BRINP1: variants seen among roughly 807,000 people sequenced by gnomAD.
BRINP1 encodes the protein BMP/retinoic acid inducible neural specific 1.
A neutral mutation model predicts 72.9 loss-of-function variants in BRINP1; 17 were observed. The observed-to-expected ratio is 0.23, with a 90% confidence interval of 0.16 to 0.35. The LOEUF is 0.35. Ranked by LOEUF, BRINP1 falls within the 10% of genes least tolerant of loss-of-function variation. BRINP1 has a pLI of 1.00. For synonymous variants in BRINP1, 418 were observed against 378.5 expected, an observed-to-expected ratio of 1.10 and a Z score of -1.21; for missense variants, 850 against 1,001.6, an observed-to-expected ratio of 0.85 and a Z score of 2.04.
chr9:119,361,790 T>A (rs973203548), intron 1 of BRINP1, among the ~76,000 whole-genome samples: 1 of 144,120 alleles, frequency 6.9e-6, no homozygotes, highest in Admixed American at 7.4e-5. Flanking sequence ...CCAGCTACAG[T>A]TTTTGCATTT....
At chr9:119,176,508 C>T (rs987280557) in intron 7 of BRINP1, among the ~76,000 whole-genome samples, 3 of 152,084 alleles carry the variant, frequency 2.0e-5, no homozygotes, top group Non-Finnish European at 4.4e-5. Flanking sequence ...TTGGCCCAAG[C>T]GGAGCTGAGT....
intron 1 of BRINP1, among the ~76,000 whole-genome samples, chr9:119,355,412 T>A (rs1831551416): frequency 6.6e-6 from 1 of 152,132 alleles, no homozygotes; most frequent in Non-Finnish European, 1.5e-5. Context: ...AGGAAGGTAC[T>A]GTTGTTGTCA....
At chr9:119,316,865 T>TTTCATGATCTCTTG (rs1176677520) in intron 1 of BRINP1, among the ~76,000 whole-genome samples, 1 of 151,924 alleles carries the variant, frequency 6.6e-6, no homozygotes, top group Non-Finnish European at 1.5e-5. Context: ...TATTGAGAAA[T>TTTCATGATCTCTTG]ACATTTCATG....
intron 2 of BRINP1, among the ~76,000 whole-genome samples, chr9:119,270,462 A>G (rs950698200): frequency 5.3e-5 from 8 of 152,162 alleles, no homozygotes; most frequent in African/African-American, 1.9e-4. Flanking sequence ...GGGGAGTAGC[A>G]AGAGAGGAGA....
At chr9:119,185,763 G>A (rs1274883346) in intron 7 of BRINP1, among the ~76,000 whole-genome samples, 1 of 152,168 alleles carries the variant, frequency 6.6e-6, no homozygotes, top group African/African-American at 2.4e-5. Context: ...CATGGGCCCT[G>A]AGCCCAGTTT....
chr9:119,225,966 C>T (rs1345676700), intron 5 of BRINP1, among the ~76,000 whole-genome samples: 1 of 151,962 alleles, frequency 6.6e-6, no homozygotes, highest in Admixed American at 6.6e-5. Flanking sequence ...ATTTATTGAG[C>T]ATCTACTATA....
intron 5 of BRINP1, among the ~76,000 whole-genome samples, chr9:119,216,752 T>C (rs946609954): frequency 6.6e-6 from 1 of 152,198 alleles, no homozygotes; most frequent in African/African-American, 2.4e-5. Context: ...GGATAAAATA[T>C]TCTATTCTTG....
intron 2 of BRINP1, among the ~76,000 whole-genome samples, chr9:119,312,022 G>A (rs1293087992): frequency 6.6e-6 from 1 of 152,212 alleles, no homozygotes; most frequent in Non-Finnish European, 1.5e-5. Flanking sequence ...TATGAGGATT[G>A]AACATCCTCC....
At chr9:119,235,333 C>T (rs1830183762) in intron 5 of BRINP1, among the ~76,000 whole-genome samples, 1 of 152,172 alleles carries the variant, frequency 6.6e-6, no homozygotes, top group African/African-American at 2.4e-5. Flanking sequence ...CCATTGATGT[C>T]TGTGCTTTAA....
chr9:119,305,036 C>G (rs777016383), intron 2 of BRINP1, among the ~76,000 whole-genome samples: 10 of 152,226 alleles, frequency 6.6e-5, no homozygotes, highest in Non-Finnish European at 1.3e-4. Context: ...CTCTGCTAAT[C>G]ACACATGGTA....
intron 5 of BRINP1, among the ~76,000 whole-genome samples, chr9:119,214,673 C>A (rs1462721461): frequency 1.3e-5 from 2 of 151,308 alleles, no homozygotes; most frequent in Non-Finnish European, 2.9e-5. Context: ...ATCATCATAA[C>A]ATGGCTTTAT....
At chr9:119,190,795 CATGTT>C (rs1438243054) in intron 7 of BRINP1, among the ~76,000 whole-genome samples, 1 of 152,066 alleles carries the variant, frequency 6.6e-6, no homozygotes, top group East Asian at 1.9e-4. Flanking sequence ...CTTCCAAACA[CATGTT>C]ATGAGGCAGC....
intron 7 of BRINP1, among the ~76,000 whole-genome samples, chr9:119,175,133 G>GA: frequency 8.6e-6 from 1 of 116,268 alleles, no homozygotes. Flanking sequence ...AAAAAAAAAA[G>GA]ACAAAAAAAA....
chr9:119,234,788 A>AT (rs940511020), intron 5 of BRINP1, among the ~76,000 whole-genome samples: 1 of 151,880 alleles, frequency 6.6e-6, no homozygotes, highest in African/African-American at 2.4e-5. Context: ...TTCCTCAGAT[A>AT]TTTTTTTTCC....
rs375099341 is a variant in BRINP1, at chr9:119,253,021, C to T, written c.219-3871G>A. 8.5e-5 allele frequency among the ~76,000 whole-genome samples: 13 copies of T among 152,180 alleles called. No individual in the cohort carries two copies. The East Asian group carries it at 1.4e-3, about 16-fold the overall frequency. On this transcript the variant is annotated intron_variant, in intron 2 of 7. Coordinates refer to ENST00000265922, the MANE Select transcript of BRINP1 (RefSeq NM_014618.3). ...TAAGGCCTAAGTGAGGAAATGTATG[C>T]GACCTGCTGAGCACAGAGTCAGGTA...
chr9:119,278,616 G>A lies in BRINP1; in HGVS notation c.219-29466C>T, dbSNP rs570728311. 1.5e-3 allele frequency among the ~76,000 whole-genome samples: 231 copies of A among 152,268 alleles called. 1 individual carries two copies. The highest frequency in any genetic ancestry group is 4.9e-3 in the African/African-American group (202 of 41,546). On this transcript the variant is annotated intron_variant, in intron 2 of 7. Transcript: ENST00000265922. ...TTAAAACAACTTAAAGCAGCTGGGC[G>A]CGGTGGCTCGCGCCTGTAATCCCAG...
At chr9:119,320,887 A>T (rs536840733) in intron 1 of BRINP1, among the ~76,000 whole-genome samples, 11 of 152,202 alleles carry the variant, frequency 7.2e-5, no homozygotes, top group African/African-American at 2.6e-4. Flanking sequence ...TGCTTTACAC[A>T]TGTGACCCAT....
chr9:119,327,617 T>C (rs779289029), intron 1 of BRINP1, among the ~76,000 whole-genome samples: 2 of 152,142 alleles, frequency 1.3e-5, no homozygotes, highest in Non-Finnish European at 2.9e-5. Context: ...CACTATAGAT[T>C]ATACATGGTC....
At chr9:119,175,602 G>GC (rs1418804978) in intron 7 of BRINP1, among the ~76,000 whole-genome samples, 3 of 151,986 alleles carry the variant, frequency 2.0e-5, no homozygotes, top group African/African-American at 7.2e-5. Context: ...CAGCCTCTGG[G>GC]CCCCCTCCCC....
Sources: gnomAD v4.1 joint callset for allele counts (sites outside exome capture counted in the v4.1 genomes callset) on GRCh38, gnomAD v4.1.1 for gene constraint, MANE v1.5 for transcripts, NCBI Gene and HGNC (gene_info 2026-07-23, HGNC 2026-07-21) for gene names.